SERGEF: variants seen among roughly 807,000 people sequenced by gnomAD.
SERGEF encodes secretion regulating guanine nucleotide exchange factor.
Under a neutral mutation model 50.0 loss-of-function variants are expected in SERGEF, and 51 were observed. The ratio of observed to expected loss-of-function variants is 1.02; its 90% CI spans 0.81 to 1.29. The LOEUF is 1.29. Among genes scored for constraint, SERGEF ranks in the 50% most tolerant of loss-of-function variants. SERGEF has a pLI of 0.00. For synonymous variants in SERGEF, 205 were observed against 212.4 expected (o/e 0.97, Z 0.30); for missense variants, 521 against 557.0 (o/e 0.94, Z 0.65).
chr11:17,972,265 G>A (rs1227878113), intron 8 of SERGEF, among the ~76,000 whole-genome samples: 2 of 152,222 alleles, frequency 1.3e-5, no homozygotes, highest in African/African-American at 4.8e-5. Context: ...ATGAGTAAAT[G>A]CTATCAAACA....
intron 9 of SERGEF, among the ~76,000 whole-genome samples, chr11:17,880,781 T>C (rs1157122892): frequency 6.6e-6 from 1 of 152,006 alleles, no homozygotes; most frequent in African/African-American, 2.4e-5. Flanking sequence ...GGGAAAAGGA[T>C]TTGAAGGAAA....
intron 8 of SERGEF, among the ~76,000 whole-genome samples, chr11:17,974,297 TTTAAGA>T (rs1342695637): frequency 1.3e-5 from 2 of 152,172 alleles, no homozygotes; most frequent in Non-Finnish European, 2.9e-5. Flanking sequence ...CTTGACACAG[TTTAAGA>T]TTATCTTTCA....
chr11:17,809,600 G>A (rs1360271007), intron 10 of SERGEF, among the ~76,000 whole-genome samples: 4 of 152,154 alleles, frequency 2.6e-5, no homozygotes, highest in African/African-American at 9.7e-5. Flanking sequence ...ATTTGGAGGT[G>A]GAGGCAAAGT....
Position 17,910,990 on chromosome 11 carries a change from G to C in SERGEF, c.1012-32746C>G, listed in dbSNP as rs561872533. Among the ~76,000 whole-genome samples the C allele has an allele frequency of 3.2e-4, 48 of 152,124 alleles. No individual in the cohort carries two copies. In the East Asian group the frequency reaches 5.4e-3, roughly 17 times the overall value. ...CAATATTTAAATAAAAGTCAGGGAG[G>C]GAAAATAGTACTTCAAGACTGTGGC... On this transcript the variant is annotated intron_variant, in intron 9 of 10. Transcript: ENST00000265965.
At chr11:17,955,618 G>A (rs146407425) in intron 9 of SERGEF, among the ~76,000 whole-genome samples, 1 of 152,340 alleles carries the variant, frequency 6.6e-6, no homozygotes, top group Non-Finnish European at 1.5e-5. Context: ...TGAACTGCAA[G>A]TTCTGGGAAG....
chr11:17,824,504 A>G (rs1850151551), intron 10 of SERGEF, among the ~76,000 whole-genome samples: 1 of 152,226 alleles, frequency 6.6e-6, no homozygotes, highest in Non-Finnish European at 1.5e-5. Flanking sequence ...CAGACCTGTC[A>G]TGCGTGAATG....
chr11:17,917,173 C>G (rs1470778777), intron 9 of SERGEF, among the ~76,000 whole-genome samples: 4 of 152,156 alleles, frequency 2.6e-5, no homozygotes, highest in Non-Finnish European at 5.9e-5. Context: ...ACCCAAATGC[C>G]CATCAATCAA....
chr11:17,899,703 A>G (rs954832632), intron 9 of SERGEF, among the ~76,000 whole-genome samples: 1 of 152,184 alleles, frequency 6.6e-6, no homozygotes, highest in Non-Finnish European at 1.5e-5. Context: ...CTGTAATCCC[A>G]GCACTTTGGG....
chr11:17,833,628 G>A (rs1310629313), intron 10 of SERGEF, among the ~76,000 whole-genome samples: 1 of 152,218 alleles, frequency 6.6e-6, no homozygotes, highest in Non-Finnish European at 1.5e-5. Flanking sequence ...AAATAACCAA[G>A]AGGGAGGCGG....
At chr11:17,964,021 C>T (rs1239148906) in intron 8 of SERGEF, among the ~76,000 whole-genome samples, 3 of 152,126 alleles carry the variant, frequency 2.0e-5, no homozygotes, top group Middle Eastern at 3.4e-3. Flanking sequence ...CTTGGCACCC[C>T]ATTAGATGTG....
chr11:17,892,933 A>G (rs1851559305), intron 9 of SERGEF, among the ~76,000 whole-genome samples: 1 of 152,192 alleles, frequency 6.6e-6, no homozygotes, highest in African/African-American at 2.4e-5. Flanking sequence ...GACAATGTTC[A>G]TGTTTTGTCT....
intron 10 of SERGEF, among the ~76,000 whole-genome samples, chr11:17,841,667 C>T (rs950848753): frequency 7.2e-5 from 11 of 152,178 alleles, no homozygotes; most frequent in African/African-American, 2.7e-4. Context: ...GAGTAACATA[C>T]ACATAACCAC....
At chr11:17,924,268 C>A (rs887960674) in intron 9 of SERGEF, among the ~76,000 whole-genome samples, 1 of 152,086 alleles carries the variant, frequency 6.6e-6, no homozygotes, top group African/African-American at 2.4e-5. Flanking sequence ...AGGAAAGCAC[C>A]AAATTTTGCC....
intron 9 of SERGEF, among the ~76,000 whole-genome samples, chr11:17,908,569 T>C (rs473496): frequency 0.034 from 5,217 of 152,280 alleles, 254 homozygotes; most frequent in African/African-American, 0.12. Flanking sequence ...CATATTGAAT[T>C]GTAAAGGGCT....
At chr11:17,930,843 A>G (rs1413964495) in intron 9 of SERGEF, among the ~76,000 whole-genome samples, 4 of 152,190 alleles carry the variant, frequency 2.6e-5, no homozygotes. Flanking sequence ...GGGCCCTTAC[A>G]GTGAGAAAGA....
intron 1 of SERGEF, 163 bp downstream of exon 1, chr11:18,012,788 C>CAACAACAA: frequency 3.7e-6 from 5 of 1,363,550 alleles, no homozygotes; most frequent in Non-Finnish European, 5.0e-6. Flanking sequence ...CGCCCGCCCG[C>CAACAACAA]TCCTCCTCCG....
At chr11:17,960,657 T>A (rs570272800) in intron 8 of SERGEF, among the ~76,000 whole-genome samples, 2 of 152,354 alleles carry the variant, frequency 1.3e-5, no homozygotes, top group East Asian at 3.9e-4. Flanking sequence ...TGGCCCCACA[T>A]TCAACATATG....
chr11:17,852,757 C>T (rs1850736549), intron 10 of SERGEF, among the ~76,000 whole-genome samples: 1 of 152,150 alleles, frequency 6.6e-6, no homozygotes, highest in Non-Finnish European at 1.5e-5. Context: ...TCATCTGATC[C>T]TCATAATACC....
chr11:17,805,804 G>C (rs1849749334), intron 10 of SERGEF, among the ~76,000 whole-genome samples: 1 of 152,194 alleles, frequency 6.6e-6, no homozygotes, highest in African/African-American at 2.4e-5. Flanking sequence ...CTGAGACTCA[G>C]TGTCTTTATC....
Sources: allele counts gnomAD v4.1 joint callset (sites outside exome capture counted in the v4.1 genomes callset), GRCh38; gene constraint gnomAD v4.1.1; transcripts MANE v1.5; gene names NCBI Gene and HGNC (gene_info 2026-07-23, HGNC 2026-07-21).